ECSCR: variants seen among roughly 807,000 people sequenced by gnomAD.
ECSCR encodes endothelial cell-specific chemotaxis regulator.
Under a neutral mutation model 16.7 loss-of-function variants are expected in ECSCR, and 12 were observed. The ratio of observed to expected loss-of-function variants is 0.72; its 90% confidence interval spans 0.46 to 1.17. The LOEUF (loss-of-function observed/expected upper bound fraction) is 1.17, where lower values mean the gene tolerates loss of function less well. Among genes scored for constraint, ECSCR ranks in the 50% most tolerant of loss-of-function variants. The pLI, the probability that ECSCR is intolerant of heterozygous loss-of-function variation, is 0.00. For synonymous variants in ECSCR, 44 were observed against 42.2 expected (o/e 1.04, Z -0.17); for missense variants, 122 against 116.1 (o/e 1.05, Z -0.23).
At chr5:139,460,341 G>A (rs923320881) in intron 1 of ECSCR, among the ~76,000 whole-genome samples, 9 of 152,038 alleles carry the variant, frequency 5.9e-5, no homozygotes, top group African/African-American at 1.9e-4. Flanking sequence ...TCACCATGTT[G>A]GCCAGGCTGG....
At chr5:139,450,855 G>A (rs1209980888) in intron 8 of ECSCR, among the ~76,000 whole-genome samples, 1 of 152,010 alleles carries the variant, frequency 6.6e-6, no homozygotes, top group Non-Finnish European at 1.5e-5. Flanking sequence ...ATACCATTGT[G>A]TTCGGCACAT....
chr5:139,449,537 C>T (rs1261145527), intron 8 of ECSCR, among the ~76,000 whole-genome samples: 1 of 151,982 alleles, frequency 6.6e-6, no homozygotes, highest in Non-Finnish European at 1.5e-5. Flanking sequence ...CAGGATTTTA[C>T]CATGTTGGCC....
At chr5:139,457,422 T>A in intron 4 of ECSCR, 123 bp downstream of exon 4, 1 of 743,558 alleles carries the variant, frequency 1.3e-6, no homozygotes, top group Non-Finnish European at 2.5e-6. Context: ...ATCCTCAGTG[T>A]GAGGGTCTAT....
At chr5:139,460,363 T>C (rs1048342911) in intron 1 of ECSCR, among the ~76,000 whole-genome samples, 2 of 152,186 alleles carry the variant, frequency 1.3e-5, no homozygotes, top group African/African-American at 4.8e-5. Context: ...CTCAAACTCC[T>C]GACCTCAGGT....
intron 8 of ECSCR, among the ~76,000 whole-genome samples, chr5:139,454,339 G>A (rs1751110332): frequency 6.8e-6 from 1 of 146,702 alleles, no homozygotes; most frequent in African/African-American, 2.5e-5. Context: ...TGTGATGTGT[G>A]ATGTATGTAA....
At position 139,458,147 on chromosome 5, in the gene ECSCR, C is replaced by T. The variant is rs1430852179; in HGVS notation, c.98G>A (p.Ser33Asn). ...CATGTGTTTGGTCTTACCCTGAGAG[C>T]TAGAGGTCTGGGTCATTGTGGGCTG... ...NSQPTMTQTSSSQGGLGGLSL... is the reference protein window; with the variant it reads ...NSQPTMTQTSNSQGGLGGLSL... The change falls in exon 2 of 10, where the codon AGC (serine) becomes AAC (asparagine). Residue 33 changes from serine to asparagine, a missense_variant. Coordinates refer to ENST00000618155, the MANE Select transcript of ECSCR (RefSeq NM_001077693.4). 1.9e-6 allele frequency: 3 copies of T among 1,549,698 alleles called. No homozygotes were observed. Among genetic ancestry groups the T allele is most frequent in the South Asian group, 1.2e-5 (1 of 83,968 alleles).
Position 139,458,311 on chromosome 5 carries a change from T to A in ECSCR, c.62-128A>T, listed in dbSNP as rs868299467. 684 of 779,904 alleles carry A rather than the reference T, an allele frequency of 8.8e-4. 1 individual carries two copies. The Middle Eastern group carries it at 0.023, about 26-fold the overall frequency. 48.3% of individuals were successfully genotyped at this position (779,904 alleles called of 1,614,324 possible). On this transcript the variant is annotated intron_variant, in intron 1 of 9. Coordinates refer to ENST00000618155, the MANE Select transcript of ECSCR (RefSeq NM_001077693.4). Reference sequence around the variant, plus strand: ...GCAAGACCCTGTCTCTAAAAAAAAATTTTGTTTTGTTTTGTTTTTTTTTTT... The same window carrying A: ...GCAAGACCCTGTCTCTAAAAAAAAAATTTGTTTTGTTTTGTTTTTTTTTTT...
At chr5:139,454,664 G>A (rs1320663511) in intron 7 of ECSCR, 26 bp from the exon 8 acceptor site, 2 of 398,294 alleles carry the variant, frequency 5.0e-6, no homozygotes, top group Non-Finnish European at 8.9e-6. Flanking sequence ...GGCACAGGTT[G>A]GGGCTCACAT....
chr5:139,458,299 T>G, intron 1 of ECSCR, 116 bp from the exon 2 acceptor site: 1 of 921,820 alleles, frequency 1.1e-6, no homozygotes, highest in Admixed American at 2.9e-5. Context: ...AGACCCTGTC[T>G]CTAAAAAAAA....
At chr5:139,458,399 T>A (rs908632313) in intron 1 of ECSCR, among the ~76,000 whole-genome samples, 13 of 135,734 alleles carry the variant, frequency 9.6e-5, no homozygotes, top group African/African-American at 1.4e-4. Flanking sequence ...GAGGCTGAGG[T>A]GGCAGGATTG....
chr5:139,459,302 G>A (rs1179310509), intron 1 of ECSCR, among the ~76,000 whole-genome samples: 3 of 152,096 alleles, frequency 2.0e-5, no homozygotes, highest in African/African-American at 4.8e-5. Context: ...CTAGAGGTAG[G>A]GGCCTGTGCA....
intron 8 of ECSCR, among the ~76,000 whole-genome samples, chr5:139,450,308 G>A (rs1216751877): frequency 6.6e-6 from 1 of 152,042 alleles, no homozygotes; most frequent in Non-Finnish European, 1.5e-5. Flanking sequence ...TTTGAGACCA[G>A]CCTGGCCAAC....
chr5:139,456,617 C>G, intron 4 of ECSCR, 99 bp from the exon 5 acceptor site: 1 of 396,972 alleles, frequency 2.5e-6, no homozygotes, highest in Admixed American at 4.4e-5. Context: ...TGAGAGGACT[C>G]TAGCTCTTTC....
intron 8 of ECSCR, 124 bp from the exon 9 acceptor site, chr5:139,449,298 C>T: frequency 4.3e-6 from 3 of 691,998 alleles, no homozygotes; most frequent in Non-Finnish European, 5.0e-6. Flanking sequence ...GGTGGTGGAT[C>T]ATGATGAAAT....
At position 139,462,680 on chromosome 5, in the gene ECSCR, G is replaced by A; in HGVS notation, c.-10C>T. 1 of 1,368,944 alleles carries A rather than the reference G, an allele frequency of 7.3e-7. No homozygotes were observed. The highest frequency in any genetic ancestry group is 1.2e-5 in the South Asian group (1 of 83,982). 84.8% of individuals were successfully genotyped at this position (1,368,944 alleles called of 1,614,324 possible). A position where few individuals can be genotyped will look rare whatever the true frequency, so the allele number is the denominator to read the frequency against. ...CTCCTGCGGTGCCCATGTCAGCTGG[G>A]TATGTGGCGGGCAGGCAGCAGCTCA... is the stretch of plus-strand genomic sequence containing the variant. On this transcript the variant is annotated 5_prime_UTR_variant, in exon 1 of 10. Coordinates refer to ENST00000618155, the MANE Select transcript of ECSCR (RefSeq NM_001077693.4).
chr5:139,454,984 A>G (rs971723104), intron 6 of ECSCR, 61 bp from the exon 7 acceptor site: 3 of 398,784 alleles, frequency 7.5e-6, no homozygotes, highest in Admixed American at 4.4e-5. Context: ...GGCCAACAAG[A>G]GTCCGGCATT....
chr5:139,462,610 C>T lies in ECSCR; in HGVS notation c.61G>A (p.Gly21Ser), dbSNP rs1386394168. 6.3e-7 allele frequency: 1 copy of T among 1,596,144 alleles called. No homozygotes were observed. The highest frequency in any genetic ancestry group is 8.5e-7 in the Non-Finnish European group (1 of 1,171,816). Residue 21 changes from glycine (G) to serine (S), a missense_variant and splice_region_variant, in exon 1 of 10, where the codon GGC (glycine) becomes AGC (serine). Gly to Ser is a moderately conservative substitution (Grantham distance 56). Transcript: ENST00000618155. ...TGGGAAAGCGGCAGGCACCTCTTAC[C>T]TCGGAACAGGAGGAAGCCCAGGATC... is the stretch of plus-strand genomic sequence containing the variant. Reference protein sequence around the residue: ...WVILGFLLFRGHNSQPTMTQT... With the variant: ...WVILGFLLFRSHNSQPTMTQT...
intron 8 of ECSCR, among the ~76,000 whole-genome samples, chr5:139,449,877 G>A (rs549182889): frequency 1.3e-5 from 2 of 151,060 alleles, no homozygotes; most frequent in Admixed American, 6.6e-5. Context: ...GTGAGCCATC[G>A]CATCCGCTAA....
intron 1 of ECSCR, among the ~76,000 whole-genome samples, chr5:139,461,305 C>T (rs1191736075): frequency 6.6e-6 from 1 of 152,170 alleles, no homozygotes; most frequent in Non-Finnish European, 1.5e-5. Flanking sequence ...TCTCTCAAAT[C>T]CTCCAAGTCT....
Sources: gnomAD v4.1 joint callset for allele counts (sites outside exome capture counted in the v4.1 genomes callset) on GRCh38, gnomAD v4.1.1 for gene constraint, MANE v1.5 for transcripts, NCBI Gene and HGNC (gene_info 2026-07-23, HGNC 2026-07-21) for gene names.